Variants in PLPP3 observed in about 807,000 individuals in gnomAD.
PLPP3 encodes the protein PAP2 beta.
A neutral mutation model predicts 29.6 loss-of-function variants in PLPP3; 6 were observed. The observed-to-expected ratio is 0.20, with a 90% CI of 0.11 to 0.40. The LOEUF (loss-of-function observed/expected upper bound fraction) is 0.40. Ranked by LOEUF, PLPP3 falls within the 10% of genes least tolerant of loss-of-function variation. The pLI is 1.00. For missense variants in PLPP3, 308 were observed against 407.7 expected (o/e 0.76, Z 2.11); for synonymous variants, 152 against 159.7 (o/e 0.95, Z 0.36).
chr1:56,555,612 C>T (rs1646071681), intron 1 of PLPP3, among the ~76,000 whole-genome samples: 1 of 152,006 alleles, frequency 6.6e-6, no homozygotes, highest in Non-Finnish European at 1.5e-5. Flanking sequence ...GCCTCTAGGT[C>T]ACTGTGTCCC....
rs1193291374 is a variant in PLPP3 at position 56,523,931 on chromosome 1, C to A, written c.576-51G>T. ...AAGGGCCGTATTCACATCCCTGATA[C>A]ACACTTGTCTGTCTGTCTTCCCTCC... is the stretch of plus-strand genomic sequence containing the variant. On this transcript the variant is annotated intron_variant, in intron 3 of 5. Coordinates refer to ENST00000371250, the MANE Select transcript of PLPP3 (RefSeq NM_003713.5). The A allele has an allele frequency of 3.2e-6, 5 of 1,574,946 alleles. No homozygotes were observed. In the East Asian group the frequency reaches 1.1e-4, roughly 35 times the overall value.
At chr1:56,497,175 A>G (rs975286369) in intron 5 of PLPP3, among the ~76,000 whole-genome samples, 2 of 152,250 alleles carry the variant, frequency 1.3e-5, no homozygotes, top group African/African-American at 4.8e-5. Flanking sequence ...AAACTTAGTG[A>G]TATCAACCAT....
At chr1:56,499,269 T>C (rs1645650455) in intron 5 of PLPP3, among the ~76,000 whole-genome samples, 1 of 152,148 alleles carries the variant, frequency 6.6e-6, no homozygotes, top group Non-Finnish European at 1.5e-5. Flanking sequence ...GACTGTTACA[T>C]AGTTCAATAG....
chr1:56,533,567 G>A (rs558994675), intron 2 of PLPP3, among the ~76,000 whole-genome samples: 30 of 151,708 alleles, frequency 2.0e-4, no homozygotes, highest in African/African-American at 6.0e-4. Flanking sequence ...CTTGAGCCCC[G>A]GTTGAGTTAG....
chr1:56,550,296 A>C (rs1264749381), intron 1 of PLPP3, among the ~76,000 whole-genome samples: 1 of 152,136 alleles, frequency 6.6e-6, no homozygotes, highest in Non-Finnish European at 1.5e-5. Flanking sequence ...AACAACTCCT[A>C]GGTGGTTTGT....
chr1:56,527,177 G>A (rs2100253503), intron 2 of PLPP3, among the ~76,000 whole-genome samples: 1 of 152,234 alleles, frequency 6.6e-6, no homozygotes, highest in East Asian at 1.9e-4. Flanking sequence ...CATTTTTAGT[G>A]TCACAGTCTT....
intron 1 of PLPP3, among the ~76,000 whole-genome samples, chr1:56,551,870 T>G (rs1646041797): frequency 6.6e-6 from 1 of 152,206 alleles, no homozygotes; most frequent in Non-Finnish European, 1.5e-5. Context: ...GGTTTTTCTG[T>G]GTGTGGTTTA....
chr1:56,496,505 C>A lies in PLPP3; in HGVS notation c.*46G>T. 6.2e-7 allele frequency: 1 copy of A among 1,603,198 alleles called. No homozygotes were observed. The highest frequency in any genetic ancestry group is 8.5e-7 in the Non-Finnish European group (1 of 1,171,894). ...GAGATTGGAGAGCAGCAAGAACTTG[C>A]TGTCAGCAGTCATTTTACAAAAACA... On this transcript the variant is annotated 3_prime_UTR_variant, in exon 6 of 6. Coordinates refer to ENST00000371250, the MANE Select transcript of PLPP3 (RefSeq NM_003713.5).
rs1645621263 is a variant in PLPP3 at position 56,494,864 on chromosome 1, T to C, written c.*1687A>G. 6.6e-6 allele frequency: 1 copy of C among 152,666 alleles called. No individual in the cohort carries two copies. Among genetic ancestry groups the C allele is most frequent in the Admixed American group, 6.5e-5 (1 of 15,282 alleles). The allele number at this position is 152,666 out of a possible 1,614,324, so 9.5% of individuals were successfully genotyped here. ...ATGCTACAAAAGTCTTTGAATATTA[T>C]TCTCTTTACAAAATGGAACCTTACA... On this transcript the variant is annotated 3_prime_UTR_variant, in exon 6 of 6. Transcript: ENST00000371250.
chr1:56,552,051 C>A (rs377227197), intron 1 of PLPP3, among the ~76,000 whole-genome samples: 2 of 152,086 alleles, frequency 1.3e-5, no homozygotes, highest in Admixed American at 1.3e-4. Flanking sequence ...CTGACTGTTC[C>A]GGATATGTTC....
rs1431616243 is a variant in PLPP3 at position 56,573,129 on chromosome 1, C to T, written c.139+5749G>A. Among the ~76,000 whole-genome samples the T allele has an allele frequency of 1.3e-5, 2 of 152,266 alleles. 1 individual carries two copies. The highest frequency in any genetic ancestry group is 3.9e-4 in the East Asian group (2 of 5,182). On this transcript the variant is annotated intron_variant, in intron 1 of 5. Transcript: ENST00000371250. ...TGCACTCATGCACAAACTTCAATAT[C>T]TCAAAAGAAAATATTTAAAATTAAC... is the stretch of plus-strand genomic sequence containing the variant.
At position 56,573,756 on chromosome 1, in the gene PLPP3, C is replaced by T. The variant is rs1490054980; in HGVS notation, c.139+5122G>A. 2.0e-5 allele frequency among the ~76,000 whole-genome samples: 3 copies of T among 152,202 alleles called. No individual in the cohort carries two copies. The East Asian group carries it at 5.8e-4, about 29-fold the overall frequency. On this transcript the variant is annotated intron_variant, in intron 1 of 5. Coordinates refer to ENST00000371250, the MANE Select transcript of PLPP3 (RefSeq NM_003713.5). Reference sequence around the variant, plus strand: ...TGAACTGACACACAGGACAGGGTTTCTCCATAAATATAACTGCCTACACAG... The same window carrying T: ...TGAACTGACACACAGGACAGGGTTTTTCCATAAATATAACTGCCTACACAG...
At chr1:56,551,728 C>T (rs1205237694) in intron 1 of PLPP3, among the ~76,000 whole-genome samples, 4 of 152,212 alleles carry the variant, frequency 2.6e-5, no homozygotes, top group Non-Finnish European at 4.4e-5. Context: ...ACTTGCCCTT[C>T]GCAAATCCCA....
chr1:56,526,059 T>G (rs1275279620), intron 2 of PLPP3, among the ~76,000 whole-genome samples: 1 of 152,146 alleles, frequency 6.6e-6, no homozygotes, highest in Non-Finnish European at 1.5e-5. Flanking sequence ...GAGCTACATT[T>G]TGTTTTCCCA....
chr1:56,497,174 G>A (rs1645636169), intron 5 of PLPP3, among the ~76,000 whole-genome samples: 1 of 152,226 alleles, frequency 6.6e-6, no homozygotes. Context: ...AAAACTTAGT[G>A]ATATCAACCA....
At chr1:56,562,437 G>A (rs2100298911) in intron 1 of PLPP3, among the ~76,000 whole-genome samples, 1 of 152,078 alleles carries the variant, frequency 6.6e-6, no homozygotes, top group East Asian at 1.9e-4. Flanking sequence ...TTCAGATCTG[G>A]GTAAATGATA....
intron 1 of PLPP3, 51 bp downstream of exon 1, chr1:56,578,827 C>CGCCGAGGGACGAGGG (rs1646256295): frequency 2.0e-6 from 3 of 1,479,486 alleles, no homozygotes; most frequent in East Asian, 3.0e-5. Flanking sequence ...CTGGGACGCG[C>CGCCGAGGGACGAGGG]GCCGAGGGAC....
rs1459000710 is a variant in PLPP3, at chr1:56,494,981, T to C, written c.*1570A>G. The C allele has an allele frequency of 2.0e-5, 3 of 152,670 alleles. No individual in the cohort carries two copies. Among genetic ancestry groups the C allele is most frequent in the Non-Finnish European group, 4.4e-5 (3 of 68,050 alleles). 9.5% of individuals were successfully genotyped at this position (152,670 alleles called of 1,614,324 possible). A position where few individuals can be genotyped will look rare whatever the true frequency, so the allele number is the denominator to read the frequency against. On this transcript the variant is annotated 3_prime_UTR_variant, in exon 6 of 6. Coordinates refer to ENST00000371250, the MANE Select transcript of PLPP3 (RefSeq NM_003713.5). The stretch of plus-strand genomic sequence containing the variant: ...TGTCTACCACAGAACTATGATATTT[T>C]AGTTGATATTTAAAAAAATTAACTC...
At chr1:56,554,844 T>C (rs907907132) in intron 1 of PLPP3, among the ~76,000 whole-genome samples, 2 of 152,152 alleles carry the variant, frequency 1.3e-5, no homozygotes, top group Non-Finnish European at 2.9e-5. Flanking sequence ...CACTCCACAT[T>C]GGTTTAAATA....
Sources: gnomAD v4.1 joint callset for allele counts (sites outside exome capture counted in the v4.1 genomes callset) on GRCh38, gnomAD v4.1.1 for gene constraint, MANE v1.5 for transcripts, NCBI Gene and HGNC (gene_info 2026-07-23, HGNC 2026-07-21) for gene names.